DPP6: variants seen among roughly 807,000 people sequenced by gnomAD.
DPP6 encodes the protein dipeptidyl peptidase like 6, also known as A-type potassium channel modulatory protein DPP6.
A neutral mutation model predicts 122.6 loss-of-function variants in DPP6; 69 were observed. That is an observed-to-expected ratio of 0.56 (90% CI 0.46 to 0.69). The LOEUF (loss-of-function observed/expected upper bound fraction) is 0.69. Among genes scored for constraint, DPP6 ranks in the 30% least tolerant of loss-of-function variants. The pLI, the probability that DPP6 is intolerant of heterozygous loss-of-function variation, is 0.00. For missense variants in DPP6, 928 were observed against 1,116.9 expected, an observed-to-expected ratio of 0.83 and a Z score of 2.41; for synonymous variants, 418 against 433.1, an observed-to-expected ratio of 0.97 and a Z score of 0.43.
chr7:154,437,711 G>A (rs184306779), intron 1 of DPP6, among the ~76,000 whole-genome samples: 76 of 152,274 alleles, frequency 5.0e-4, no homozygotes, highest in African/African-American at 1.8e-3. Flanking sequence ...TGAGGTGGGC[G>A]GATCCCTTGA....
the DPP6 span, among the ~76,000 whole-genome samples, chr7:153,771,591 C>T: frequency 1.3e-5 from 2 of 152,132 alleles, no homozygotes; most frequent in African/African-American, 2.4e-5. Flanking sequence ...CCACCTGCCT[C>T]GGCCTCCCAA....
At chr7:153,875,317 C>A in the DPP6 span, among the ~76,000 whole-genome samples, 1 of 151,986 alleles carries the variant, frequency 6.6e-6, no homozygotes, top group South Asian at 2.1e-4. Flanking sequence ...AAACAAAAAC[C>A]TAGGAAATTT....
At chr7:153,985,186 A>C (rs1796780014) in intron 1 of DPP6, among the ~76,000 whole-genome samples, 1 of 152,226 alleles carries the variant, frequency 6.6e-6, no homozygotes, top group Admixed American at 6.5e-5. Context: ...TTTGCCTCCC[A>C]TTGACTGAGG....
chr7:154,646,142 G>C (rs1032651955), intron 6 of DPP6, among the ~76,000 whole-genome samples: 1 of 151,292 alleles, frequency 6.6e-6, no homozygotes, highest in Admixed American at 6.6e-5. Flanking sequence ...CCTAAATTTG[G>C]GACAGAAAAT....
At chr7:154,566,199 A>C (rs961684797) in intron 4 of DPP6, among the ~76,000 whole-genome samples, 1 of 152,192 alleles carries the variant, frequency 6.6e-6, no homozygotes, top group African/African-American at 2.4e-5. Context: ...TAGTGAGAAA[A>C]AGGTTTCTAA....
At position 154,223,745 on chromosome 7, in the gene DPP6, C is replaced by T. The variant is rs79419122; in HGVS notation, c.243+170682C>T. The stretch of plus-strand genomic sequence containing the variant: ...GTGTGCCACATCTTCCTAGAAGCAA[C>T]GGGAACCCATGGAGAGGCTCTTGGG... On this transcript the variant is annotated intron_variant, in intron 1 of 25. Coordinates refer to ENST00000377770, the MANE Select transcript of DPP6 (RefSeq NM_130797.4). Among the ~76,000 whole-genome samples, 6 of 149,310 alleles carry T rather than the reference C, an allele frequency of 4.0e-5. 1 individual carries two copies. The East Asian group carries it at 7.8e-4, about 19-fold the overall frequency.
At chr7:154,054,263 A>G (rs80069669) in intron 1 of DPP6, among the ~76,000 whole-genome samples, 3,824 of 152,278 alleles carry the variant, frequency 0.025, 83 homozygotes, top group East Asian at 0.075. Context: ...GCCTCCAGCC[A>G]CGCTGGTTCC....
intron 1 of DPP6, among the ~76,000 whole-genome samples, chr7:154,253,887 G>A (rs1426982433): frequency 2.0e-5 from 3 of 152,338 alleles, no homozygotes; most frequent in Non-Finnish European, 4.4e-5. Flanking sequence ...GGGAGGTAAA[G>A]GGGAAGCAAC....
At chr7:154,813,877 C>CTTTTT (rs35188883) in intron 16 of DPP6, among the ~76,000 whole-genome samples, 50 of 94,456 alleles carry the variant, frequency 5.3e-4, no homozygotes, top group East Asian at 1.3e-3. Flanking sequence ...AAGCACATTT[C>CTTTTT]TTTTTTTTTT....
chr7:154,040,180 G>A (rs1177485475), intron 1 of DPP6, among the ~76,000 whole-genome samples: 3 of 140,586 alleles, frequency 2.1e-5, no homozygotes, highest in Non-Finnish European at 4.5e-5. Flanking sequence ...AAGTGGAGAG[G>A]ATCTACCAGT....
the DPP6 span, among the ~76,000 whole-genome samples, chr7:153,792,943 C>T: frequency 1.3e-5 from 2 of 152,302 alleles, no homozygotes; most frequent in African/African-American, 4.8e-5. Flanking sequence ...TCTCTTGCCA[C>T]CGCCATGTAA....
chr7:154,501,073 CT>C (rs1238629651), intron 3 of DPP6, among the ~76,000 whole-genome samples: 2 of 152,162 alleles, frequency 1.3e-5, no homozygotes, highest in Non-Finnish European at 1.5e-5. Flanking sequence ...CATTTTGCCC[CT>C]GCCCTAGAGA....
chr7:153,885,950 A>G (rs1017265006), upstream of DPP6, among the ~76,000 whole-genome samples: 15 of 152,118 alleles, frequency 9.9e-5, no homozygotes, highest in African/African-American at 3.1e-4. Context: ...TACAGTTGCA[A>G]TTACTTAGAA....
intron 1 of DPP6, among the ~76,000 whole-genome samples, chr7:153,944,289 G>A (rs1801835481): frequency 6.6e-6 from 1 of 152,172 alleles, no homozygotes; most frequent in Admixed American, 6.5e-5. Context: ...ACCGCCACTA[G>A]AGTGAGTTCT....
intron 3 of DPP6, among the ~76,000 whole-genome samples, chr7:154,484,976 TAAAG>T (rs1823658356): frequency 2.0e-5 from 3 of 152,112 alleles, no homozygotes; most frequent in African/African-American, 7.2e-5. Flanking sequence ...TTTTTTTAAA[TAAAG>T]CTTATGGGGT....
In DPP6 at chr7:154,324,867, A is replaced by ATTTTTTTTTTTT. The variant is rs143944650; in HGVS notation, c.244-121342_244-121331dup. On this transcript the variant is annotated intron_variant, in intron 1 of 25. Coordinates refer to ENST00000377770, the MANE Select transcript of DPP6 (RefSeq NM_130797.4). ...TCTTTCTTTCTTCTTTCCTTTTGTTATTTTTTTTTTTTTTTTGAGTCTTGC... is the reference window on the plus strand; with the variant it reads ...TCTTTCTTTCTTCTTTCCTTTTGTTATTTTTTTTTTTTTTTTTTTTTTTTTTTTGAGTCTTGC... Among the ~76,000 whole-genome samples, 36 of 113,056 alleles carry ATTTTTTTTTTTT rather than the reference A, an allele frequency of 3.2e-4. 1 individual carries two copies. The highest frequency in any genetic ancestry group is 3.3e-4 in the Non-Finnish European group (19 of 58,036). The allele number at this position is 113,056 out of a possible 152,430, so 74.2% of individuals were successfully genotyped here. A position where few individuals can be genotyped will look rare whatever the true frequency, so the allele number is the denominator to read the frequency against.
intron 5 of DPP6, among the ~76,000 whole-genome samples, chr7:154,573,127 C>T (rs943251462): frequency 6.6e-6 from 1 of 152,184 alleles, no homozygotes; most frequent in Non-Finnish European, 1.5e-5. Flanking sequence ...TCTTGATTCT[C>T]GTGCTCTTGG....
At chr7:154,159,344 A>G (rs1180499714) in intron 1 of DPP6, among the ~76,000 whole-genome samples, 3 of 152,154 alleles carry the variant, frequency 2.0e-5, no homozygotes, top group Non-Finnish European at 4.4e-5. Context: ...TTGAAATGTT[A>G]GGTCTGATCT....
the DPP6 span, among the ~76,000 whole-genome samples, chr7:153,797,009 T>C: frequency 8.5e-5 from 13 of 152,320 alleles, no homozygotes; most frequent in African/African-American, 3.1e-4. Flanking sequence ...GCTGCCATGT[T>C]GCAAGCTGCC....
Sources: gnomAD v4.1 joint callset for allele counts (sites outside exome capture counted in the v4.1 genomes callset) on GRCh38, gnomAD v4.1.1 for gene constraint, MANE v1.5 for transcripts, NCBI Gene and HGNC (gene_info 2026-07-23, HGNC 2026-07-21) for gene names.